The following ATXN2 variants were observed in gnomAD, a reference collection of about 807,000 sequenced individuals.
ATXN2 encodes the protein ataxin-2.
ATXN2 carries 37 observed loss-of-function variants against 138.6 expected under a neutral mutation model. The observed-to-expected ratio is 0.27, with a 90% CI of 0.21 to 0.35. The LOEUF (loss-of-function observed/expected upper bound fraction) is 0.35. Among genes scored for constraint, ATXN2 ranks in the 10% least tolerant of loss-of-function variants. The pLI is 1.00. For missense variants in ATXN2, 1,216 were observed against 1,480.3 expected (o/e 0.82, Z 2.93); for synonymous variants, 549 against 543.7 (o/e 1.01, Z -0.13).
rs915136929 is a variant in ATXN2 at position 111,489,054 on chromosome 12, T to C, written c.1936-274A>G. 3.3e-5 allele frequency among the ~76,000 whole-genome samples: 5 copies of C among 152,188 alleles called. No homozygotes were observed. In the South Asian group the frequency reaches 8.3e-4, roughly 25 times the overall value. ...CATGTCAGAAATTGTGCCTGCTGGG[T>C]GAGAAAAATATGAAATAGTTTCTAT... On this transcript the variant is annotated intron_variant, in intron 14 of 24. Transcript: ENST00000673436.
At position 111,560,536 on chromosome 12, in the gene ATXN2, T is replaced by A. The variant is rs1310047220; in HGVS notation, c.252-4617A>T. 2.6e-5 allele frequency among the ~76,000 whole-genome samples: 4 copies of A among 152,242 alleles called. No individual in the cohort carries two copies. In the East Asian group the frequency reaches 7.7e-4, roughly 29 times the overall value. ...AGACAAAGCCATGCCAAAATCACTG[T>A]GATTCTAGAGTGATGGTAGGCATAC... On this transcript the variant is annotated intron_variant, in intron 1 of 24. Coordinates refer to ENST00000673436, the MANE Select transcript of ATXN2 (RefSeq NM_001372574.1).
chr12:111,553,604 A>AAATTTTTTTTTTT (rs1882237738), intron 3 of ATXN2, among the ~76,000 whole-genome samples: 19 of 85,000 alleles, frequency 2.2e-4, no homozygotes, highest in Non-Finnish European at 3.4e-4. Flanking sequence ...AAAAAAAAAA[A>AAATTTTTTTTTTT]TTTTTTTTTT....
At chr12:111,494,482 G>C (rs1159307290) in intron 14 of ATXN2, among the ~76,000 whole-genome samples, 1 of 149,034 alleles carries the variant, frequency 6.7e-6, no homozygotes, top group African/African-American at 2.5e-5. Flanking sequence ...CTGGGGTGCA[G>C]TGGCACAATA....
chr12:111,583,508 G>A (rs530384465), intron 1 of ATXN2, among the ~76,000 whole-genome samples: 6 of 151,448 alleles, frequency 4.0e-5, no homozygotes, highest in African/African-American at 1.5e-4. Context: ...GATCATGCCT[G>A]TAATCCCAGC....
rs1247488971 is a variant in ATXN2 at position 111,474,789 on chromosome 12, A to G, written c.2525-4047T>C. 3.3e-5 allele frequency among the ~76,000 whole-genome samples: 5 copies of G among 152,240 alleles called. No individual in the cohort carries two copies. The South Asian group carries it at 1.0e-3, about 32-fold the overall frequency. On this transcript the variant is annotated intron_variant, in intron 18 of 24. Transcript: ENST00000673436. Reference sequence around the variant, plus strand: ...TAATGTCTCAATACATTCGTAATAAAAAGTTACCGCAAGGCTGAGAGCGAT... The same window carrying G: ...TAATGTCTCAATACATTCGTAATAAGAAGTTACCGCAAGGCTGAGAGCGAT...
intron 11 of ATXN2, chr12:111,512,026 AATGGTGTG>A (rs913663188): frequency 6.6e-6 from 1 of 151,880 alleles, no homozygotes; most frequent in Non-Finnish European, 1.5e-5. Flanking sequence ...ACTGGAGTGC[AATGGTGTG>A]ATCTTGGCTC....
intron 6 of ATXN2, 106 bp downstream of exon 6, chr12:111,525,086 C>T (rs1172273208): frequency 1.4e-6 from 2 of 1,384,770 alleles, no homozygotes; most frequent in Admixed American, 4.9e-5. Context: ...GCTCTAAATA[C>T]ACTCACTACA....
At chr12:111,566,937 C>T (rs1411313556) in intron 1 of ATXN2, among the ~76,000 whole-genome samples, 1 of 152,146 alleles carries the variant, frequency 6.6e-6, no homozygotes, top group Non-Finnish European at 1.5e-5. Context: ...CGTGCCCAAC[C>T]AGGAAATTGC....
chr12:111,463,004 A>G (rs188677047), intron 21 of ATXN2, among the ~76,000 whole-genome samples: 1 of 151,394 alleles, frequency 6.6e-6, no homozygotes, highest in Non-Finnish European at 1.5e-5. Flanking sequence ...ACACACACAT[A>G]TATGTATGTA....
intron 5 of ATXN2, among the ~76,000 whole-genome samples, chr12:111,527,728 G>C (rs999157983): frequency 3.3e-5 from 5 of 152,156 alleles, no homozygotes; most frequent in African/African-American, 7.2e-5. Context: ...ACTAGAAATG[G>C]CTGAATTTTG....
intron 1 of ATXN2, among the ~76,000 whole-genome samples, chr12:111,558,365 G>C (rs1018179806): frequency 1.3e-5 from 2 of 152,134 alleles, no homozygotes; most frequent in African/African-American, 4.8e-5. Context: ...CAAAGGCCAA[G>C]AGCATATTTT....
At chr12:111,565,251 C>T (rs1882931229) in intron 1 of ATXN2, among the ~76,000 whole-genome samples, 1 of 152,056 alleles carries the variant, frequency 6.6e-6, no homozygotes, top group Admixed American at 6.6e-5. Flanking sequence ...TTGAAATTCA[C>T]AGATGCTGCA....
chr12:111,499,317 C>T (rs978632448), intron 14 of ATXN2, among the ~76,000 whole-genome samples: 1 of 152,122 alleles, frequency 6.6e-6, no homozygotes, highest in South Asian at 2.1e-4. Flanking sequence ...GGATCAATAA[C>T]CAGAATATAA....
rs1882672645 is a variant in ATXN2, at chr12:111,561,248, C to CT, written c.252-5330dup. Among the ~76,000 whole-genome samples the CT allele has an allele frequency of 3.9e-5, 6 of 151,992 alleles. No homozygotes were observed. The South Asian group carries it at 1.2e-3, about 32-fold the overall frequency. On this transcript the variant is annotated intron_variant, in intron 1 of 24. Coordinates refer to ENST00000673436, the MANE Select transcript of ATXN2 (RefSeq NM_001372574.1). ...GGTGGCTCATGCCTTAATCCCAGCACTTTGGGAGGCCAAGGCAGGTGGATC... is the reference window on the plus strand; with the variant it reads ...GGTGGCTCATGCCTTAATCCCAGCACTTTTGGGAGGCCAAGGCAGGTGGATC...
intron 5 of ATXN2, among the ~76,000 whole-genome samples, chr12:111,536,295 G>A (rs1881171346): frequency 6.6e-6 from 1 of 152,080 alleles, no homozygotes; most frequent in Non-Finnish European, 1.5e-5. Flanking sequence ...TATTTTCACT[G>A]TTAAATCTTT....
chr12:111,527,854 C>T (rs657197), intron 5 of ATXN2, among the ~76,000 whole-genome samples: 1 of 152,050 alleles, frequency 6.6e-6, no homozygotes, highest in East Asian at 1.9e-4. Context: ...ACCTGAATCA[C>T]GTTCTTCTCT....
chr12:111,598,018 G>A lies in ATXN2; in HGVS notation c.251+766C>T, dbSNP rs924307928. On this transcript the variant is annotated intron_variant, in intron 1 of 24. Coordinates refer to ENST00000673436, the MANE Select transcript of ATXN2 (RefSeq NM_001372574.1). The surrounding 1 kb of genome is among the most constrained non-coding windows in gnomAD (Gnocchi z 4.5). ...TCTGGCGGGGGAAGGAGGAAGGCCG[G>A]GACGGGGCCGGGCACTCCCCACCCC... 1 of 1,193,290 alleles carries A rather than the reference G, an allele frequency of 8.4e-7. No homozygotes were observed. Among genetic ancestry groups the A allele is most frequent in the African/African-American group, 1.6e-5 (1 of 62,884 alleles). The allele number at this position is 1,193,290 out of a possible 1,614,324, so 73.9% of individuals were successfully genotyped here. A position where few individuals can be genotyped will look rare whatever the true frequency, so the allele number is the denominator to read the frequency against.
At position 111,598,875 on chromosome 12, in the gene ATXN2, G is replaced by A. The variant is rs768247580; in HGVS notation, c.160C>T (p.Pro54Ser). 1.3e-6 allele frequency: 2 copies of A among 1,494,912 alleles called. No individual in the cohort carries two copies. Among genetic ancestry groups the A allele is most frequent in the South Asian group, 1.2e-5 (1 of 80,442 alleles). The allele number at this position is 1,494,912 out of a possible 1,614,324, so 92.6% of individuals were successfully genotyped here. ...LLASPAAAPS[P>S]SSSSVSSSSA... ...GACGAGGAGACCGAGGACGAGGACGGCGAAGGCGCGGCGGCGGGCGACGCT... is the reference window on the plus strand; with the variant it reads ...GACGAGGAGACCGAGGACGAGGACGACGAAGGCGCGGCGGCGGGCGACGCT... The change falls in exon 1 of 25, where the codon CCG becomes TCG. Residue 54 changes from proline (P) to serine (S), a missense_variant. Transcript: ENST00000673436. This position sits in a 1 kb window ranked among gnomAD's most constrained non-coding sequence, Gnocchi z 4.5.
At chr12:111,472,737 T>C (rs558080410) in intron 18 of ATXN2, among the ~76,000 whole-genome samples, 99 of 152,068 alleles carry the variant, frequency 6.5e-4, no homozygotes, top group African/African-American at 2.3e-3. Context: ...AGCTAATACT[T>C]TTTTTAAAAT....
Sources: gnomAD v4.1 joint callset for allele counts (sites outside exome capture counted in the v4.1 genomes callset) on GRCh38, gnomAD v4.1.1 for gene constraint, Gnocchi (gnomAD v3.1) non-coding constraint, MANE v1.5 for transcripts, NCBI Gene and HGNC (gene_info 2026-07-23, HGNC 2026-07-21) for gene names.